Variants in CUBN observed in about 807,000 individuals in gnomAD.
The protein encoded by CUBN is 460 kDa receptor.
Under a neutral mutation model 405.3 loss-of-function variants are expected in CUBN, and 282 were observed. The observed-to-expected ratio is 0.70, with a 90% CI of 0.63 to 0.77. CUBN has a LOEUF of 0.77. CUBN is among the 30% of genes least tolerant of loss of function. CUBN has a pLI of 0.00. For missense variants in CUBN, 4,514 were observed against 4,475.2 expected (o/e 1.01, Z -0.25); for synonymous variants, 1,684 against 1,617.0 (o/e 1.04, Z -0.99).
intron 62 of CUBN, among the ~76,000 whole-genome samples, chr10:16,838,196 A>T (rs1356766811): frequency 6.6e-6 from 1 of 152,080 alleles, no homozygotes; most frequent in East Asian, 1.9e-4. Flanking sequence ...AGCACATCTC[A>T]CGCCTCTCCA....
At chr10:16,953,104 G>C (rs1455908794) in intron 32 of CUBN, among the ~76,000 whole-genome samples, 1 of 152,128 alleles carries the variant, frequency 6.6e-6, no homozygotes. Context: ...AGGTGGAGAC[G>C]GGACAGACAT....
In CUBN at chr10:16,841,606, T is replaced by C. The variant is rs536457602; in HGVS notation, c.9664-559A>G. 4.5e-4 allele frequency among the ~76,000 whole-genome samples: 69 copies of C among 152,298 alleles called. No individual in the cohort carries two copies. In the South Asian group the frequency reaches 0.014, roughly 31 times the overall value. ...CTTTCTAATCTAATTTCTTATTGTC[T>C]TCACTTTGTTCGATTCCGCTTCTTG... On this transcript the variant is annotated intron_variant, in intron 60 of 66. Coordinates refer to ENST00000377833, the MANE Select transcript of CUBN (RefSeq NM_001081.4).
Position 16,874,429 on chromosome 10 carries a change from C to A in CUBN, c.9181G>T (p.Asp3061Tyr), listed in dbSNP as rs1840444450. The A allele has an allele frequency of 1.9e-6, 3 of 1,614,132 alleles. No individual in the cohort carries two copies. The highest frequency in any genetic ancestry group is 8.5e-7 in the Non-Finnish European group (1 of 1,179,990). Residue 3061 changes from aspartate (D) to tyrosine (Y), a missense_variant, in exon 58 of 67, where the codon GAT becomes TAT. By Grantham distance (160) the Asp-to-Tyr change is radical. Coordinates refer to ENST00000377833, the MANE Select transcript of CUBN (RefSeq NM_001081.4). The part of the protein sequence containing the change: ...PAYSYADYPN[D>Y]MHCLYTITVS... The stretch of plus-strand genomic sequence containing the variant: ...GTGATGGTATACAGACAGTGCATAT[C>A]ATTTGGGTAGTCTGCGTATGAATAG...
Position 16,831,240 on chromosome 10 carries a change from CAAA to C in CUBN, c.10528+9_10528+11del. The C allele has an allele frequency of 6.2e-7, 1 of 1,613,598 alleles. No homozygotes were observed. The highest frequency in any genetic ancestry group is 8.5e-7 in the Non-Finnish European group (1 of 1,179,486). On this transcript the variant is annotated intron_variant, in intron 65 of 66. Coordinates refer to ENST00000377833, the MANE Select transcript of CUBN (RefSeq NM_001081.4). The stretch of plus-strand genomic sequence containing the variant: ...TCACAGTGCTTTCCTGTACAAAGTG[CAAA>C]TGTCTTACCAGAGGGTGATGAAGTC...
intron 31 of CUBN, among the ~76,000 whole-genome samples, chr10:16,961,557 C>T (rs1010837426): frequency 6.6e-6 from 1 of 152,056 alleles, no homozygotes; most frequent in Non-Finnish European, 1.5e-5. Flanking sequence ...TTCTAAAGAA[C>T]GGTAATGTGG....
At chr10:16,851,489 C>G in intron 59 of CUBN, 46 bp from the exon 60 acceptor site, 2 of 1,530,940 alleles carry the variant, frequency 1.3e-6, no homozygotes, top group Non-Finnish European at 1.8e-6. Context: ...ACAGAACCGA[C>G]CTTACATTGT....
intron 31 of CUBN, among the ~76,000 whole-genome samples, chr10:16,973,658 T>C (rs72773264): frequency 0.05 from 7,637 of 152,270 alleles, 267 homozygotes; most frequent in East Asian, 0.15. Flanking sequence ...CAACCTCAAG[T>C]AGGCCCTGGC....
At chr10:17,075,772 T>A (rs1438995111) in intron 17 of CUBN, among the ~76,000 whole-genome samples, 2 of 152,172 alleles carry the variant, frequency 1.3e-5, no homozygotes, top group African/African-American at 4.8e-5. Context: ...AAATTTCACA[T>A]ATTGTAGTAA....
At chr10:16,880,334 A>G (rs1165900285) in intron 56 of CUBN, among the ~76,000 whole-genome samples, 2 of 152,182 alleles carry the variant, frequency 1.3e-5, no homozygotes, top group African/African-American at 4.8e-5. Flanking sequence ...ATCAGACCCA[A>G]TCCAGGCCAA....
At chr10:17,013,255 C>T (rs1245755581) in intron 28 of CUBN, among the ~76,000 whole-genome samples, 1 of 151,958 alleles carries the variant, frequency 6.6e-6, no homozygotes, top group Non-Finnish European at 1.5e-5. Flanking sequence ...CTGACTTTCT[C>T]TCTGTCTCTT....
chr10:17,105,721 G>A (rs1836613921), intron 10 of CUBN, 146 bp from the exon 11 acceptor site: 1 of 654,360 alleles, frequency 1.5e-6, no homozygotes, highest in African/African-American at 1.8e-5. Context: ...AAGGTATGAG[G>A]AGAAAATATT....
chr10:17,111,449 C>T (rs1038332196), intron 8 of CUBN, among the ~76,000 whole-genome samples: 2 of 152,108 alleles, frequency 1.3e-5, no homozygotes, highest in Non-Finnish European at 2.9e-5. Flanking sequence ...AAGAGGATGT[C>T]TACCGCAGCA....
intron 29 of CUBN, among the ~76,000 whole-genome samples, chr10:16,987,498 G>A (rs1047964014): frequency 2.6e-5 from 4 of 152,196 alleles, no homozygotes; most frequent in African/African-American, 9.7e-5. Flanking sequence ...GGGGTTATGA[G>A]TAACCAAACA....
intron 56 of CUBN, among the ~76,000 whole-genome samples, chr10:16,885,788 T>C (rs1840794749): frequency 6.6e-6 from 1 of 152,204 alleles, no homozygotes; most frequent in Non-Finnish European, 1.5e-5. Context: ...TGATACGGTC[T>C]TGTGAGATGC....
intron 22 of CUBN, among the ~76,000 whole-genome samples, chr10:17,056,074 T>C (rs1835388755): frequency 6.6e-6 from 1 of 152,120 alleles, no homozygotes; most frequent in Admixed American, 6.5e-5. Flanking sequence ...GGTAAATATG[T>C]ACAGCAGTGT....
chr10:16,916,176 T>A, intron 45 of CUBN, 146 bp from the exon 46 acceptor site: 1 of 712,930 alleles, frequency 1.4e-6, no homozygotes, highest in Non-Finnish European at 2.3e-6. Context: ...TTTTAAAAAT[T>A]CTGAAAACGG....
At chr10:17,116,638 T>C (rs1043529100) in intron 6 of CUBN, among the ~76,000 whole-genome samples, 1 of 152,200 alleles carries the variant, frequency 6.6e-6, no homozygotes, top group South Asian at 2.1e-4. Flanking sequence ...ACAAGGAGCT[T>C]AGTAATGTTC....
At chr10:16,981,748 G>T (rs3012483) in intron 31 of CUBN, among the ~76,000 whole-genome samples, 152,241 of 152,244 alleles carry the variant, frequency 1, 76,119 homozygotes, top group Non-Finnish European at 1. Context: ...TGAATTCAGC[G>T]AGGCAGCCAA....
chr10:16,994,827 C>T (rs1026007093), intron 28 of CUBN, among the ~76,000 whole-genome samples: 6 of 152,186 alleles, frequency 3.9e-5, no homozygotes, highest in Admixed American at 3.3e-4. Context: ...TGGTAGTTCA[C>T]ACCTGTAATC....
Sources: gnomAD v4.1 joint callset for allele counts (sites outside exome capture counted in the v4.1 genomes callset) on GRCh38, gnomAD v4.1.1 for gene constraint, MANE v1.5 for transcripts, NCBI Gene and HGNC (gene_info 2026-07-23, HGNC 2026-07-21) for gene names.